GRM8: variants seen among roughly 807,000 people sequenced by gnomAD.
GRM8 encodes glutamate metabotropic receptor 8.
In GRM8, 47 loss-of-function variants were observed where a neutral mutation model predicts 87.2. The observed-to-expected ratio is 0.54, with a 90% CI of 0.43 to 0.69. The LOEUF is 0.69. Ranked by LOEUF, GRM8 falls within the 30% of genes least tolerant of loss-of-function variation. GRM8 has a pLI of 0.00. For synonymous variants in GRM8, 396 were observed against 404.5 expected (o/e 0.98, Z 0.25); for missense variants, 1,019 against 1,139.2 (o/e 0.89, Z 1.52).
chr7:126,836,729 G>A (rs1480365038), intron 6 of GRM8, among the ~76,000 whole-genome samples: 1 of 152,112 alleles, frequency 6.6e-6, no homozygotes, highest in Non-Finnish European at 1.5e-5. Flanking sequence ...TTTTCTTTCA[G>A]AGTATGCTCT....
At chr7:126,570,924 A>C (rs1427285793) in intron 8 of GRM8, among the ~76,000 whole-genome samples, 1 of 152,202 alleles carries the variant, frequency 6.6e-6, no homozygotes, top group Non-Finnish European at 1.5e-5. Context: ...TTGTGATGAT[A>C]TTCAAATACC....
Position 127,017,446 on chromosome 7 carries a change from T to C in GRM8, c.727+89050A>G, listed in dbSNP as rs573047424. 4.5e-4 allele frequency among the ~76,000 whole-genome samples: 68 copies of C among 152,154 alleles called. No individual in the cohort carries two copies. The South Asian group carries it at 0.01, about 23-fold the overall frequency. ...TACTCCTAGGTGATGGCAATAAGAA[T>C]ACAGAACAGCTAGAGCTATTTGCCA... is the stretch of plus-strand genomic sequence containing the variant. On this transcript the variant is annotated intron_variant, in intron 3 of 10. Transcript: ENST00000339582.
At position 126,848,307 on chromosome 7, in the gene GRM8, G is replaced by A. The variant is rs147783995; in HGVS notation, c.1156+54235C>T. On this transcript the variant is annotated intron_variant, in intron 6 of 10. Transcript: ENST00000339582. ...TGTACTGTTCATTAAGACCACATAC[G>A]ACTATTGTGTTATTGAACTGTGGCT... Among the ~76,000 whole-genome samples, 265 of 152,208 alleles carry A rather than the reference G, an allele frequency of 1.7e-3. 1 individual carries two copies. The highest frequency in any genetic ancestry group is 3.4e-3 in the Middle Eastern group (1 of 294).
intron 7 of GRM8, among the ~76,000 whole-genome samples, chr7:126,706,383 T>G (rs570163097): frequency 7.2e-5 from 11 of 152,222 alleles, no homozygotes; most frequent in South Asian, 2.1e-4. Flanking sequence ...GTCAGTAAGT[T>G]TGAGTCTCAG....
At chr7:127,118,247 A>T (rs1826818647) in intron 2 of GRM8, 1 of 152,344 alleles carries the variant, frequency 6.6e-6, no homozygotes, top group African/African-American at 2.4e-5. Context: ...CCATTTGCAA[A>T]GACCAAAAAG....
intron 3 of GRM8, among the ~76,000 whole-genome samples, chr7:126,957,640 TGACATGCCAGGC>T (rs1194297085): frequency 6.6e-6 from 1 of 152,194 alleles, no homozygotes; most frequent in Non-Finnish European, 1.5e-5. Flanking sequence ...AAAGCAGCAC[TGACATGCCAGGC>T]CCCTGCTGCC....
intron 8 of GRM8, among the ~76,000 whole-genome samples, chr7:126,564,813 A>G (rs560204340): frequency 6.6e-6 from 1 of 152,322 alleles, no homozygotes; most frequent in Non-Finnish European, 1.5e-5. Flanking sequence ...ATGAGTATAG[A>G]AGCAAAATTC....
chr7:127,128,772 T>C (rs946644792), intron 2 of GRM8, among the ~76,000 whole-genome samples: 1 of 152,120 alleles, frequency 6.6e-6, no homozygotes, highest in East Asian at 1.9e-4. Flanking sequence ...TGATACTATA[T>C]AGTTTCCCTA....
chr7:126,805,352 T>G (rs1000830889), intron 6 of GRM8, among the ~76,000 whole-genome samples: 1 of 152,200 alleles, frequency 6.6e-6, no homozygotes. Flanking sequence ...CTATTTAACA[T>G]GTATGTATTT....
intron 6 of GRM8, among the ~76,000 whole-genome samples, chr7:126,775,479 G>GTTTGT (rs1819333511): frequency 1.9e-5 from 2 of 104,748 alleles, no homozygotes; most frequent in African/African-American, 8.7e-5. Flanking sequence ...TGACAAATAG[G>GTTTGT]TTTTTTTTTT....
intron 9 of GRM8, among the ~76,000 whole-genome samples, chr7:126,466,126 G>A (rs749232124): frequency 1.3e-5 from 2 of 151,598 alleles, no homozygotes; most frequent in African/African-American, 2.4e-5. Context: ...TTAAAATCTT[G>A]TTCTCAGTCT....
At chr7:127,206,438 G>C (rs1795917753) in intron 2 of GRM8, among the ~76,000 whole-genome samples, 2 of 152,158 alleles carry the variant, frequency 1.3e-5, no homozygotes, top group South Asian at 4.2e-4. Context: ...CAACTGCCCT[G>C]AGTAGGTTAG....
chr7:126,639,227 A>G (rs1161439529), intron 7 of GRM8, among the ~76,000 whole-genome samples: 1 of 152,134 alleles, frequency 6.6e-6, no homozygotes, highest in East Asian at 1.9e-4. Flanking sequence ...TAGGGCATCT[A>G]TTTTATTTTG....
chr7:127,230,784 C>G (rs991910427), intron 2 of GRM8, among the ~76,000 whole-genome samples: 3 of 151,988 alleles, frequency 2.0e-5, no homozygotes, highest in Non-Finnish European at 4.4e-5. Flanking sequence ...AAGCTGGTAC[C>G]CTGATCTCAG....
intron 2 of GRM8, among the ~76,000 whole-genome samples, chr7:127,221,739 T>A (rs552005791): frequency 3.3e-5 from 5 of 152,188 alleles, no homozygotes; most frequent in Middle Eastern, 6.3e-3. Context: ...CAAGCAAGTA[T>A]ACTGGTCCAG....
At chr7:127,238,575 T>A (rs1798117283) in intron 2 of GRM8, among the ~76,000 whole-genome samples, 1 of 152,182 alleles carries the variant, frequency 6.6e-6, no homozygotes, top group South Asian at 2.1e-4. Flanking sequence ...GCAACAGCAG[T>A]ATGAACCCCA....
chr7:126,746,443 G>A (rs1815695621), intron 7 of GRM8, among the ~76,000 whole-genome samples: 1 of 151,490 alleles, frequency 6.6e-6, no homozygotes, highest in South Asian at 2.1e-4. Context: ...GCTTTATTGA[G>A]ACCACCATCA....
At chr7:127,014,434 A>C (rs1815200810) in intron 3 of GRM8, among the ~76,000 whole-genome samples, 1 of 152,112 alleles carries the variant, frequency 6.6e-6, no homozygotes, top group Non-Finnish European at 1.5e-5. Context: ...ATCATGACTT[A>C]GTAGGTTAGC....
At chr7:126,478,829 G>C (rs1211912257) in intron 9 of GRM8, among the ~76,000 whole-genome samples, 2 of 151,940 alleles carry the variant, frequency 1.3e-5, no homozygotes, top group Non-Finnish European at 2.9e-5. Context: ...GGGGTTCCTA[G>C]TTTTCACCTT....
Sources: gnomAD v4.1 joint callset for allele counts (sites outside exome capture counted in the v4.1 genomes callset) on GRCh38, gnomAD v4.1.1 for gene constraint, MANE v1.5 for transcripts, NCBI Gene and HGNC (gene_info 2026-07-23, HGNC 2026-07-21) for gene names.